TAF3: variants seen among roughly 807,000 people sequenced by gnomAD.
TAF3 encodes the protein transcription initiation factor TFIID subunit 3.
TAF3 carries 7 observed loss-of-function variants against 80.6 expected under a neutral mutation model. The ratio of observed to expected loss-of-function variants is 0.09; its 90% CI spans 0.05 to 0.16. The LOEUF (loss-of-function observed/expected upper bound fraction) is 0.16, where lower values mean the gene tolerates loss of function less well. Ranked by LOEUF, TAF3 falls within the 10% of genes least tolerant of loss-of-function variation. The pLI is 1.00. For synonymous variants in TAF3, 444 were observed against 446.1 expected (o/e 1.00, Z 0.06); for missense variants, 921 against 1,140.2 (o/e 0.81, Z 2.77).
At chr10:7,923,724 AAAG>A (rs1837788888) in intron 2 of TAF3, among the ~76,000 whole-genome samples, 1 of 152,134 alleles carries the variant, frequency 6.6e-6, no homozygotes, top group Non-Finnish European at 1.5e-5. Flanking sequence ...ACACAAAAAA[AAAG>A]GACTCCCCCA....
intron 2 of TAF3, among the ~76,000 whole-genome samples, chr10:7,914,089 G>C (rs959410110): frequency 1.3e-5 from 2 of 152,166 alleles, no homozygotes; most frequent in African/African-American, 4.8e-5. Context: ...AAAAATGTCG[G>C]GAGTTTTTTT....
chr10:7,823,515 A>T (rs1420714351), intron 1 of TAF3, among the ~76,000 whole-genome samples: 2 of 152,098 alleles, frequency 1.3e-5, no homozygotes, highest in African/African-American at 4.8e-5. Flanking sequence ...ATGTGCTTAT[A>T]GTCCCAGCTA....
intron 4 of TAF3, among the ~76,000 whole-genome samples, chr10:7,998,346 A>AT (rs1340136244): frequency 1.3e-5 from 2 of 150,164 alleles, no homozygotes; most frequent in Non-Finnish European, 3.0e-5. Flanking sequence ...GGATTATCTT[A>AT]TTATTACAAA....
chr10:7,836,898 A>C (rs1836857065), intron 2 of TAF3, among the ~76,000 whole-genome samples: 1 of 152,216 alleles, frequency 6.6e-6, no homozygotes, highest in Admixed American at 6.5e-5. Context: ...TACCAAAAAT[A>C]CCTATGGAGA....
chr10:7,879,811 T>C (rs1837343858), intron 2 of TAF3, among the ~76,000 whole-genome samples: 2 of 152,224 alleles, frequency 1.3e-5, no homozygotes, highest in African/African-American at 4.8e-5. Flanking sequence ...TTAAAAATAA[T>C]GATGCAATTA....
Position 7,983,048 on chromosome 10 carries a change from C to G in TAF3, c.2315+5725C>G, listed in dbSNP as rs186632729. 1.6e-3 allele frequency among the ~76,000 whole-genome samples: 240 copies of G among 151,752 alleles called. 1 individual carries two copies. The highest frequency in any genetic ancestry group is 5.5e-3 in the African/African-American group (226 of 41,042). ...GGGAAAACAGCAGGGGTGGATGTGA[C>G]TTCGGCGGGGCCACCTGCAGGCTTG... On this transcript the variant is annotated intron_variant, in intron 4 of 6. Transcript: ENST00000344293.
At chr10:7,893,491 T>G (rs2131164953) in intron 2 of TAF3, among the ~76,000 whole-genome samples, 1 of 152,270 alleles carries the variant, frequency 6.6e-6, no homozygotes, top group South Asian at 2.1e-4. Context: ...CTTATAAGAT[T>G]TCCTCTTACT....
In TAF3 at chr10:7,954,597, A is replaced by C. The variant is rs186928578; in HGVS notation, c.410-9323A>C. On this transcript the variant is annotated intron_variant, in intron 2 of 6. Coordinates refer to ENST00000344293, the MANE Select transcript of TAF3 (RefSeq NM_031923.4). Reference sequence around the variant, plus strand: ...GATTTAGAGTGCACTCCATAGGTGAATGAATGAATTAGTCCCAGTTAACAC... The same window carrying C: ...GATTTAGAGTGCACTCCATAGGTGACTGAATGAATTAGTCCCAGTTAACAC... Among the ~76,000 whole-genome samples the C allele has an allele frequency of 4.1e-3, 573 of 138,464 alleles. 20 individuals are homozygous for C. Among genetic ancestry groups the C allele is most frequent in the African/African-American group, 0.014 (545 of 38,634 alleles). The allele number at this position is 138,464 out of a possible 152,430, so 90.8% of individuals were successfully genotyped here.
At chr10:7,941,756 G>A (rs1837978870) in intron 2 of TAF3, among the ~76,000 whole-genome samples, 1 of 152,198 alleles carries the variant, frequency 6.6e-6, no homozygotes. Flanking sequence ...CAGTGTTGAG[G>A]AAAAGGGCAG....
At chr10:7,928,118 A>G (rs887934586) in intron 2 of TAF3, among the ~76,000 whole-genome samples, 3 of 152,222 alleles carry the variant, frequency 2.0e-5, no homozygotes, top group Admixed American at 6.5e-5. Context: ...TTTTAGATCT[A>G]TAAGGTGGGA....
intron 4 of TAF3, among the ~76,000 whole-genome samples, chr10:7,986,261 A>G (rs931842991): frequency 1.3e-5 from 2 of 151,866 alleles, no homozygotes; most frequent in African/African-American, 4.8e-5. Flanking sequence ...ACTAGCTCAT[A>G]TTTCTCCTTC....
intron 2 of TAF3, among the ~76,000 whole-genome samples, chr10:7,933,449 C>G (rs1160084579): frequency 6.6e-6 from 1 of 152,162 alleles, no homozygotes; most frequent in African/African-American, 2.4e-5. Flanking sequence ...ATTGGTGACA[C>G]TTCACTTGGG....
In TAF3 at chr10:7,873,627, C is replaced by CCCA. The variant is rs386740626; in HGVS notation, c.409+49069_409+49070insACC. Among the ~76,000 whole-genome samples, 8 of 148,948 alleles carry CCCA rather than the reference C, an allele frequency of 5.4e-5. 1 individual carries two copies. Among genetic ancestry groups the CCCA allele is most frequent in the African/African-American group, 1.8e-4 (7 of 39,844 alleles). On this transcript the variant is annotated intron_variant, in intron 2 of 6. Transcript: ENST00000344293. ...AAGACATCCGAGTTCTCCCCCCCCC[C>CCCA]CCGTCAAAAGGGGGTGTCGAATTTG...
intron 2 of TAF3, among the ~76,000 whole-genome samples, chr10:7,935,120 T>C (rs1263000778): frequency 2.0e-5 from 3 of 151,906 alleles, no homozygotes; most frequent in African/African-American, 7.3e-5. Flanking sequence ...CTATTAAAAA[T>C]ACAAAAATCA....
intron 2 of TAF3, among the ~76,000 whole-genome samples, chr10:7,943,538 C>T (rs541001208): frequency 6.6e-6 from 1 of 152,246 alleles, no homozygotes; most frequent in South Asian, 2.1e-4. Context: ...TTCTAGCTGC[C>T]AGGAGTGCCT....
At chr10:7,916,754 G>A (rs1412237428) in intron 2 of TAF3, among the ~76,000 whole-genome samples, 5 of 152,086 alleles carry the variant, frequency 3.3e-5, no homozygotes, top group Non-Finnish European at 7.4e-5. Context: ...AATGTGGATG[G>A]TTATATATCT....
chr10:7,830,544 C>T (rs535471068), intron 2 of TAF3, among the ~76,000 whole-genome samples: 93 of 120,124 alleles, frequency 7.7e-4, no homozygotes, highest in African/African-American at 9.6e-4. Context: ...AGTGCAGTGG[C>T]GCAATCTCGG....
intron 5 of TAF3, 54 bp from the exon 6 acceptor site, chr10:8,013,677 T>G: frequency 6.9e-7 from 1 of 1,458,212 alleles, no homozygotes; most frequent in South Asian, 1.1e-5. Flanking sequence ...TGGCCTCTTT[T>G]TGTTTTTTTT....
At chr10:7,991,466 A>T (rs1439077563) in intron 4 of TAF3, among the ~76,000 whole-genome samples, 2 of 151,978 alleles carry the variant, frequency 1.3e-5, no homozygotes, top group Non-Finnish European at 2.9e-5. Flanking sequence ...TTTTTTCCCA[A>T]ACAAATTGTT....
Sources: allele counts gnomAD v4.1 joint callset (sites outside exome capture counted in the v4.1 genomes callset), GRCh38; gene constraint gnomAD v4.1.1; transcripts MANE v1.5; gene names NCBI Gene and HGNC (gene_info 2026-07-23, HGNC 2026-07-21).